Variants in AGBL4 observed in about 807,000 individuals in gnomAD.
AGBL4 encodes the protein cytosolic carboxypeptidase 6.
AGBL4 carries 58 observed loss-of-function variants against 66.4 expected under a neutral mutation model. The observed-to-expected ratio is 0.87, with a 90% confidence interval of 0.71 to 1.09. The LOEUF is 1.09. AGBL4 is among the 50% of genes least tolerant of loss of function. The pLI, the probability that AGBL4 is intolerant of heterozygous loss-of-function variation, is 0.00. For missense variants in AGBL4, 579 were observed against 631.0 expected (o/e 0.92, Z 0.88); for synonymous variants, 234 against 222.9 (o/e 1.05, Z -0.44).
chr1:50,011,899 C>T lies in AGBL4; in HGVS notation c.34+11864G>A, dbSNP rs545120688. Among the ~76,000 whole-genome samples the T allele has an allele frequency of 2.6e-5, 4 of 152,278 alleles. No homozygotes were observed. In the East Asian group the frequency reaches 7.7e-4, roughly 29 times the overall value. ...TACCGGCCGGGCGCGATGGCTCACG[C>T]CTGTAATCCCAGCACTTTGGGAGGC... On this transcript the variant is annotated intron_variant, in intron 1 of 13. Transcript: ENST00000371839.
intron 6 of AGBL4, among the ~76,000 whole-genome samples, chr1:48,862,575 C>T (rs934568358): frequency 6.6e-6 from 1 of 152,194 alleles, no homozygotes; most frequent in East Asian, 1.9e-4. Context: ...CCTGCCTCAG[C>T]CTCCCAGTGT....
chr1:48,811,525 A>G (rs1646049189), intron 6 of AGBL4, among the ~76,000 whole-genome samples: 1 of 152,168 alleles, frequency 6.6e-6, no homozygotes, highest in African/African-American at 2.4e-5. Context: ...TTCTCACTTT[A>G]CCTTTCTAGG....
chr1:49,415,801 G>A lies in AGBL4; in HGVS notation c.283-169937C>T, dbSNP rs148319685. Among the ~76,000 whole-genome samples the A allele has an allele frequency of 2.2e-3, 341 of 152,212 alleles. 4 individuals are homozygous for A. Among genetic ancestry groups the A allele is most frequent in the African/African-American group, 7.9e-3 (328 of 41,552 alleles). ...CTTTTTAGCAGGTTAAAGTATTGAG[G>A]CTTAGAGAAAGAAGTTAAGTGAAAG... On this transcript the variant is annotated intron_variant, in intron 3 of 13. Transcript: ENST00000371839.
intron 6 of AGBL4, chr1:48,728,163 G>C (rs1330268687): frequency 1.2e-6 from 1 of 859,256 alleles, no homozygotes; most frequent in Admixed American, 2.9e-5. Context: ...TTATGTATCT[G>C]GCATAGCTAT....
At chr1:50,000,721 T>C (rs930852486) in intron 1 of AGBL4, among the ~76,000 whole-genome samples, 2 of 152,164 alleles carry the variant, frequency 1.3e-5, no homozygotes, top group Non-Finnish European at 2.9e-5. Context: ...ATATACACCA[T>C]GGAATACTAC....
At chr1:49,608,650 G>C (rs1299639760) in intron 3 of AGBL4, among the ~76,000 whole-genome samples, 9 of 152,108 alleles carry the variant, frequency 5.9e-5, no homozygotes, top group Non-Finnish European at 1.3e-4. Context: ...GCATTTATAA[G>C]ATCCTGTACC....
chr1:49,449,410 AT>A (rs1258270966), intron 3 of AGBL4, among the ~76,000 whole-genome samples: 1 of 152,126 alleles, frequency 6.6e-6, no homozygotes, highest in African/African-American at 2.4e-5. Flanking sequence ...GGTTTTTAAA[AT>A]GTGAAATGCC....
At chr1:49,460,883 T>C (rs1037275545) in intron 3 of AGBL4, among the ~76,000 whole-genome samples, 2 of 151,792 alleles carry the variant, frequency 1.3e-5, no homozygotes, top group Non-Finnish European at 1.5e-5. Context: ...TACAAAATTC[T>C]TGGCTAATAA....
intron 6 of AGBL4, among the ~76,000 whole-genome samples, chr1:48,759,891 A>T (rs1007287458): frequency 7.2e-5 from 11 of 152,230 alleles, no homozygotes; most frequent in Non-Finnish European, 1.0e-4. Flanking sequence ...CTACTCACTC[A>T]GAACTGGCAC....
At chr1:49,183,774 T>G (rs1268217642) in intron 4 of AGBL4, among the ~76,000 whole-genome samples, 1 of 152,210 alleles carries the variant, frequency 6.6e-6, no homozygotes. Flanking sequence ...GCCCTATTAT[T>G]TGTTTAGATA....
chr1:48,798,214 T>C (rs1570698247), intron 6 of AGBL4, among the ~76,000 whole-genome samples: 1 of 152,354 alleles, frequency 6.6e-6, no homozygotes, highest in South Asian at 2.1e-4. Context: ...TTGATTTGCG[T>C]TTCCCTGATA....
At chr1:49,498,654 A>G (rs1309436536) in intron 3 of AGBL4, among the ~76,000 whole-genome samples, 1 of 150,946 alleles carries the variant, frequency 6.6e-6, no homozygotes, top group Non-Finnish European at 1.5e-5. Context: ...CTGTTCTTAG[A>G]AAAAAAAAGC....
At chr1:49,381,803 A>C (rs1379088060) in intron 3 of AGBL4, among the ~76,000 whole-genome samples, 1 of 140,508 alleles carries the variant, frequency 7.1e-6, no homozygotes, top group Non-Finnish European at 1.5e-5. Flanking sequence ...CAATGAGAAC[A>C]CATGGACACT....
chr1:49,513,989 T>G (rs969676284), intron 3 of AGBL4, among the ~76,000 whole-genome samples: 6 of 152,040 alleles, frequency 3.9e-5, no homozygotes, highest in African/African-American at 1.4e-4. Context: ...CAATTGCGAA[T>G]GGGAGTTCAC....
chr1:48,697,130 A>T (rs75958006), intron 6 of AGBL4, among the ~76,000 whole-genome samples: 1 of 151,982 alleles, frequency 6.6e-6, no homozygotes, highest in Admixed American at 6.6e-5. Flanking sequence ...CCAGTAGAGG[A>T]TTCAGCTGCT....
intron 5 of AGBL4, among the ~76,000 whole-genome samples, chr1:48,879,811 A>G (rs1246995863): frequency 6.6e-6 from 1 of 152,220 alleles, no homozygotes; most frequent in Non-Finnish European, 1.5e-5. Context: ...GATGGAGCTC[A>G]GATTAAAACT....
chr1:48,757,866 G>A (rs961355614), intron 6 of AGBL4, among the ~76,000 whole-genome samples: 2 of 152,202 alleles, frequency 1.3e-5, no homozygotes, highest in African/African-American at 4.8e-5. Context: ...CACTGACTCA[G>A]AGTTATTAAT....
chr1:49,233,114 C>A (rs1365888253), intron 4 of AGBL4, among the ~76,000 whole-genome samples: 2 of 152,132 alleles, frequency 1.3e-5, no homozygotes, highest in Non-Finnish European at 2.9e-5. Flanking sequence ...CTGATTATTT[C>A]TTTCATCATC....
chr1:49,368,454 T>C (rs944055594), intron 3 of AGBL4, among the ~76,000 whole-genome samples: 4 of 152,222 alleles, frequency 2.6e-5, no homozygotes, highest in South Asian at 2.1e-4. Context: ...GTTATCCTTG[T>C]ATTAATTTCT....
Sources: gnomAD v4.1 joint callset for allele counts (sites outside exome capture counted in the v4.1 genomes callset) on GRCh38, gnomAD v4.1.1 for gene constraint, MANE v1.5 for transcripts, NCBI Gene and HGNC (gene_info 2026-07-23, HGNC 2026-07-21) for gene names.